SEL1L2: variants seen among roughly 807,000 people sequenced by gnomAD.
The protein encoded by SEL1L2 is protein sel-1 homolog 2.
A neutral mutation model predicts 98.8 loss-of-function variants in SEL1L2; 89 were observed. The observed-to-expected ratio is 0.90, with a 90% CI of 0.76 to 1.07. The LOEUF (loss-of-function observed/expected upper bound fraction) is 1.07. Among genes scored for constraint, SEL1L2 ranks in the 50% least tolerant of loss-of-function variants. The pLI is 0.00. For synonymous variants in SEL1L2, 262 were observed against 278.5 expected (o/e 0.94, Z 0.59); for missense variants, 788 against 812.0 (o/e 0.97, Z 0.36).
intron 14 of SEL1L2, among the ~76,000 whole-genome samples, chr20:13,867,803 C>T (rs1159187367): frequency 6.6e-6 from 1 of 152,128 alleles, no homozygotes; most frequent in Admixed American, 6.5e-5. Context: ...TGGTAGATCC[C>T]AAGCCAAGGA....
Position 13,876,135 on chromosome 20 carries a change from G to T in SEL1L2, c.1027-20C>A. On this transcript the variant is annotated intron_variant, in intron 11 of 19. Transcript: ENST00000284951. ...ATACATCTAGGAAGAAAAATGAAAA[G>T]AGGATAGAAAAAACAAAATAATTTG... 6.3e-7 allele frequency: 1 copy of T among 1,583,444 alleles called. No individual in the cohort carries two copies. Among genetic ancestry groups the T allele is most frequent in the Non-Finnish European group, 8.7e-7 (1 of 1,152,412 alleles).
chr20:13,980,785 C>T (rs1428071974), intron 1 of SEL1L2, among the ~76,000 whole-genome samples: 1 of 152,064 alleles, frequency 6.6e-6, no homozygotes, highest in Non-Finnish European at 1.5e-5. Flanking sequence ...TATATATATA[C>T]AATGAAATAT....
At chr20:13,931,906 C>A in intron 2 of SEL1L2, 135 bp from the exon 3 acceptor site, 3 of 614,116 alleles carry the variant, frequency 4.9e-6, no homozygotes, top group Non-Finnish European at 5.0e-6. Context: ...TTGCTTTTTT[C>A]AAATCAAAAT....
intron 18 of SEL1L2, among the ~76,000 whole-genome samples, chr20:13,854,540 C>T (rs1258994761): frequency 6.6e-6 from 1 of 152,176 alleles, no homozygotes; most frequent in Admixed American, 6.5e-5. Flanking sequence ...TGTGCCTATA[C>T]ATGACTGTCA....
At chr20:13,862,563 C>T (rs958194348) in intron 17 of SEL1L2, among the ~76,000 whole-genome samples, 4 of 152,094 alleles carry the variant, frequency 2.6e-5, no homozygotes, top group Middle Eastern at 3.2e-3. Flanking sequence ...CTTTAGGTAC[C>T]GAAGTTCTAA....
rs140408055 is a variant in SEL1L2 at position 13,932,407 on chromosome 20, AATTATTATTATT to A, written c.115-648_115-637del. 7.2e-4 allele frequency among the ~76,000 whole-genome samples: 104 copies of A among 144,878 alleles called. 1 individual carries two copies. The highest frequency in any genetic ancestry group is 4.9e-3 in the South Asian group (22 of 4,450). The stretch of plus-strand genomic sequence containing the variant: ...GAAACATTAAAATTTTTCCTTTGTC[AATTATTATTATT>A]ATTATTATTATTATTATTATTATTA... On this transcript the variant is annotated intron_variant, in intron 2 of 19. Coordinates refer to ENST00000284951, the MANE Select transcript of SEL1L2 (RefSeq NM_025229.2).
rs576675486 is a variant in SEL1L2, at chr20:13,944,556, C to A, written c.114+11520G>T. Among the ~76,000 whole-genome samples the A allele has an allele frequency of 3.5e-4, 53 of 152,230 alleles. No homozygotes were observed. In the South Asian group the frequency reaches 9.1e-3, roughly 26 times the overall value. Reference sequence around the variant, plus strand: ...GGCCTAGGAGATGTCAGGAAAGGAACAGGTTTGGAGTTCAGAAAAATCAAG... The same window carrying A: ...GGCCTAGGAGATGTCAGGAAAGGAAAAGGTTTGGAGTTCAGAAAAATCAAG... On this transcript the variant is annotated intron_variant, in intron 2 of 19. Coordinates refer to ENST00000284951, the MANE Select transcript of SEL1L2 (RefSeq NM_025229.2).
Position 13,850,454 on chromosome 20 carries a change from C to T in SEL1L2, c.1819-135G>A. The T allele has an allele frequency of 6.5e-6, 6 of 922,880 alleles. No homozygotes were observed. In the South Asian group the frequency reaches 9.9e-5, roughly 15 times the overall value. 57.2% of individuals were successfully genotyped at this position (922,880 alleles called of 1,614,324 possible). On this transcript the variant is annotated intron_variant, in intron 18 of 19. Transcript: ENST00000284951. The stretch of plus-strand genomic sequence containing the variant: ...GATTATCATGGATTATCCAAGTGGA[C>T]CTCAGATAATCAAATGAACCTTTAA...
chr20:13,850,532 G>A (rs570624122), intron 18 of SEL1L2, among the ~76,000 whole-genome samples: 1 of 152,336 alleles, frequency 6.6e-6, no homozygotes, highest in African/African-American at 2.4e-5. Context: ...GGTGGAGGGA[G>A]ACTTCAGATT....
At chr20:13,865,099 A>G in intron 17 of SEL1L2, 68 bp downstream of exon 17, 1 of 1,256,520 alleles carries the variant, frequency 8.0e-7, no homozygotes, top group Non-Finnish European at 1.1e-6. Context: ...ACACGCAGCT[A>G]CAGCAAACGT....
intron 4 of SEL1L2, among the ~76,000 whole-genome samples, chr20:13,917,172 T>C (rs2048441994): frequency 6.6e-6 from 1 of 152,158 alleles, no homozygotes; most frequent in Admixed American, 6.5e-5. Context: ...TGACTGGCGC[T>C]CCACATCTGT....
chr20:13,917,786 C>CTTTTTT (rs5840588), intron 4 of SEL1L2, among the ~76,000 whole-genome samples: 745 of 50,076 alleles, frequency 0.015, 56 homozygotes, highest in African/African-American at 0.02. Context: ...TTCTTTCTTT[C>CTTTTTT]TTTTTTTTTT....
At chr20:13,873,550 T>C (rs1378723459) in intron 12 of SEL1L2, among the ~76,000 whole-genome samples, 1 of 151,624 alleles carries the variant, frequency 6.6e-6, no homozygotes, top group Admixed American at 6.6e-5. Flanking sequence ...TTAGTAGAGA[T>C]GGGGTTTCAC....
intron 11 of SEL1L2, 26 bp from the exon 12 acceptor site, chr20:13,876,141 A>G: frequency 6.6e-7 from 1 of 1,513,946 alleles, no homozygotes; most frequent in Non-Finnish European, 9.2e-7. Context: ...AAAAGAGGAT[A>G]GAAAAAACAA....
intron 1 of SEL1L2, among the ~76,000 whole-genome samples, chr20:13,958,992 T>C (rs1569043152): frequency 6.7e-6 from 1 of 150,304 alleles, no homozygotes; most frequent in East Asian, 2.0e-4. Context: ...TGGGCGGCCA[T>C]CGGAAATTGA....
In SEL1L2 at chr20:13,859,452, GAA is replaced by G; in HGVS notation, c.1646-20_1646-19del. On this transcript the variant is annotated intron_variant, in intron 17 of 19. Coordinates refer to ENST00000284951, the MANE Select transcript of SEL1L2 (RefSeq NM_025229.2). ...TGCATTGCCTGATAGAAATATTAGA[GAA>G]AAAAGAATCATAACTCAAATGATTC... 6.3e-7 allele frequency: 1 copy of G among 1,596,230 alleles called. No individual in the cohort carries two copies.
At chr20:13,949,561 G>T in intron 2 of SEL1L2, among the ~76,000 whole-genome samples, 1 of 152,156 alleles carries the variant, frequency 6.6e-6, no homozygotes. Flanking sequence ...CTATCGGGAG[G>T]CTGAGGCAGG....
upstream of SEL1L2, among the ~76,000 whole-genome samples, chr20:13,992,387 T>C (rs2052562385): frequency 6.6e-6 from 1 of 151,940 alleles, no homozygotes; most frequent in African/African-American, 2.4e-5. Context: ...GCCTGTCATC[T>C]CAGCTACTCG....
At chr20:13,976,506 A>G (rs923970262) in intron 1 of SEL1L2, among the ~76,000 whole-genome samples, 5 of 152,196 alleles carry the variant, frequency 3.3e-5, no homozygotes, top group Admixed American at 2.6e-4. Flanking sequence ...AGCTAGGTAT[A>G]CTGAGTAGCT....
Sources: gnomAD v4.1 joint callset for allele counts (sites outside exome capture counted in the v4.1 genomes callset) on GRCh38, gnomAD v4.1.1 for gene constraint, MANE v1.5 for transcripts, NCBI Gene and HGNC (gene_info 2026-07-23, HGNC 2026-07-21) for gene names.